DCT: variants seen among roughly 807,000 people sequenced by gnomAD.
The protein encoded by DCT is dopachrome tautomerase.
Under a neutral mutation model 53.0 loss-of-function variants are expected in DCT, and 47 were observed. That is an observed-to-expected ratio of 0.89 (90% CI 0.70 to 1.13). The LOEUF (loss-of-function observed/expected upper bound fraction) is 1.13, where lower values mean the gene tolerates loss of function less well. Among genes scored for constraint, DCT ranks in the 50% most tolerant of loss-of-function variants. The pLI is 0.00. For synonymous variants in DCT, 244 were observed against 237.0 expected (o/e 1.03, Z -0.27); for missense variants, 669 against 637.4 (o/e 1.05, Z -0.53).
upstream of DCT, among the ~76,000 whole-genome samples, chr13:94,483,347 A>T (rs1368191736): frequency 2.0e-5 from 3 of 152,152 alleles, no homozygotes; most frequent in South Asian, 6.2e-4. Context: ...AATGTTAAAT[A>T]AAAATTTCCT....
At chr13:94,480,181 A>T (rs1885380563), upstream of DCT, among the ~76,000 whole-genome samples, 1 of 152,188 alleles carries the variant, frequency 6.6e-6, no homozygotes, top group Non-Finnish European at 1.5e-5. Context: ...ACATCTACGC[A>T]GCAATTTTTT....
At chr13:94,520,196 G>A in the DCT span, among the ~76,000 whole-genome samples, 1 of 152,180 alleles carries the variant, frequency 6.6e-6, no homozygotes, top group African/African-American at 2.4e-5. Context: ...CATTTAAGCT[G>A]CAGGAATAAA....
intron 1 of DCT, among the ~76,000 whole-genome samples, chr13:94,478,146 A>ACCCCCCCCCCCCCCCCCCCCCCCC (rs1470108013): frequency 2.0e-5 from 2 of 101,972 alleles, no homozygotes; most frequent in African/African-American, 3.6e-5. Flanking sequence ...TCTAATAACA[A>ACCCCCCCCCCCCCCCCCCCCCCCC]CCCCCCGCCC....
upstream of DCT, among the ~76,000 whole-genome samples, chr13:94,482,926 G>T (rs1367605360): frequency 6.6e-6 from 1 of 152,134 alleles, no homozygotes; most frequent in Non-Finnish European, 1.5e-5. Context: ...CTAGTGAGGA[G>T]GTTCTCACAA....
chr13:94,447,898 A>G (rs1026330976), intron 6 of DCT, among the ~76,000 whole-genome samples: 1 of 152,188 alleles, frequency 6.6e-6, no homozygotes, highest in Non-Finnish European at 1.5e-5. Flanking sequence ...ATAGGGGAAA[A>G]TAATAAGGAG....
chr13:94,487,978 A>G, the DCT span, among the ~76,000 whole-genome samples: 2 of 151,972 alleles, frequency 1.3e-5, no homozygotes, highest in African/African-American at 2.4e-5. Context: ...TTCATCTTGA[A>G]TGCATTTTTT....
At chr13:94,456,040 C>A (rs1452653373) in intron 6 of DCT, among the ~76,000 whole-genome samples, 1 of 152,058 alleles carries the variant, frequency 6.6e-6, no homozygotes, top group Non-Finnish European at 1.5e-5. Flanking sequence ...GAGACGATAG[C>A]CAGAAAAAAT....
At chr13:94,456,751 A>G (rs902079213) in intron 6 of DCT, among the ~76,000 whole-genome samples, 4 of 152,238 alleles carry the variant, frequency 2.6e-5, no homozygotes, top group East Asian at 1.9e-4. Context: ...ATGTGGTTCA[A>G]TTACATTCCC....
the DCT span, among the ~76,000 whole-genome samples, chr13:94,547,984 A>AAAAAAAATATATAT: frequency 1.1e-4 from 7 of 65,816 alleles, no homozygotes; most frequent in African/African-American, 9.0e-4. Context: ...AAAAAAAAAA[A>AAAAAAAATATATAT]ATATATATAT....
chr13:94,532,963 G>C, the DCT span, among the ~76,000 whole-genome samples: 1 of 152,104 alleles, frequency 6.6e-6, no homozygotes, highest in Admixed American at 6.6e-5. Flanking sequence ...TATTTATTTG[G>C]CTTAACCCAT....
At chr13:94,549,323 A>C in the DCT span, among the ~76,000 whole-genome samples, 1 of 152,184 alleles carries the variant, frequency 6.6e-6, no homozygotes, top group Non-Finnish European at 1.5e-5. Flanking sequence ...CTCGGGTCTC[A>C]CACCAGCCCC....
chr13:94,483,790 C>T (rs539685738), upstream of DCT, among the ~76,000 whole-genome samples: 1 of 152,284 alleles, frequency 6.6e-6, no homozygotes, highest in Non-Finnish European at 1.5e-5. Flanking sequence ...AGGTGTGAGC[C>T]ACCGTGCCCG....
At position 94,438,254 on chromosome 13, in the gene DCT, G is replaced by A. The variant is rs1385123343; in HGVS notation, c.*1644C>T. On this transcript the variant is annotated 3_prime_UTR_variant, in exon 8 of 8. Transcript: ENST00000377028. ...AAAGACACAGTGCTGTATTTTCCAT[G>A]AATATTGTTAATGGCAGGAACTGAG... 6.2e-6 allele frequency: 1 copy of A among 160,398 alleles called. No homozygotes were observed. Among genetic ancestry groups the A allele is most frequent in the African/African-American group, 2.4e-5 (1 of 41,642 alleles). The allele number at this position is 160,398 out of a possible 1,614,324, so 9.9% of individuals were successfully genotyped here. A position where few individuals can be genotyped will look rare whatever the true frequency, so the allele number is the denominator to read the frequency against.
chr13:94,461,777 A>G (rs1223651245), intron 5 of DCT, among the ~76,000 whole-genome samples: 1 of 152,208 alleles, frequency 6.6e-6, no homozygotes, highest in Non-Finnish European at 1.5e-5. Context: ...GAAATACAAA[A>G]GTTGGTTTTG....
At chr13:94,454,341 G>A (rs1481541346) in intron 6 of DCT, among the ~76,000 whole-genome samples, 1 of 152,130 alleles carries the variant, frequency 6.6e-6, no homozygotes, top group Non-Finnish European at 1.5e-5. Flanking sequence ...CTTAAGAATA[G>A]TATCTTTAGG....
At chr13:94,525,545 C>T in the DCT span, among the ~76,000 whole-genome samples, 1 of 152,210 alleles carries the variant, frequency 6.6e-6, no homozygotes, top group Non-Finnish European at 1.5e-5. Context: ...CACAGAGACA[C>T]CCTGCCTCCT....
chr13:94,526,223 A>C, the DCT span, among the ~76,000 whole-genome samples: 1 of 152,250 alleles, frequency 6.6e-6, no homozygotes, highest in Non-Finnish European at 1.5e-5. Context: ...CTACTGAGCC[A>C]GTACTTGAGT....
chr13:94,466,592 C>A lies in DCT; in HGVS notation c.662G>T (p.Arg221Leu). The A allele has an allele frequency of 6.2e-7, 1 of 1,611,732 alleles. No individual in the cohort carries two copies. The highest frequency in any genetic ancestry group is 1.1e-5 in the South Asian group (1 of 90,706). The change falls in exon 3 of 8, where the codon CGG becomes CTG. Residue 221 changes from arginine to leucine, a missense_variant. Physicochemically the swap from Arg to Leu is moderately radical, Grantham distance 102. Coordinates refer to ENST00000377028, the MANE Select transcript of DCT (RefSeq NM_001922.5). Reference sequence around the variant, plus strand: ...TCTTTCCAGACACAACAAATGGTACCGGTGCCAGGTAACAAATGCAGGTCC... The same window carrying A: ...TCTTTCCAGACACAACAAATGGTACAGGTGCCAGGTAACAAATGCAGGTCC... ...HQGPAFVTWH[R>L]YHLLCLERDL...
chr13:94,525,524 T>G, the DCT span, among the ~76,000 whole-genome samples: 19 of 152,306 alleles, frequency 1.2e-4, no homozygotes, highest in East Asian at 3.7e-3. Context: ...TATTCTGTCT[T>G]TCCCTCATGT....
Sources: gnomAD v4.1 joint callset for allele counts (sites outside exome capture counted in the v4.1 genomes callset) on GRCh38, gnomAD v4.1.1 for gene constraint, MANE v1.5 for transcripts, NCBI Gene and HGNC (gene_info 2026-07-23, HGNC 2026-07-21) for gene names.